Variants in NBPF14 observed in about 807,000 individuals in gnomAD.
NBPF14 encodes NBPF family member NBPF14.
In NBPF14, 104 loss-of-function variants were observed where a neutral mutation model predicts 91.2. That is an observed-to-expected ratio of 1.14 (90% CI 0.97 to 1.34). The LOEUF is 1.34. Among genes scored for constraint, NBPF14 ranks in the 40% most tolerant of loss-of-function variants. NBPF14 has a pLI of 0.00. For missense variants in NBPF14, 908 were observed against 783.0 expected (o/e 1.16, Z -1.91); for synonymous variants, 294 against 303.8 (o/e 0.97, Z 0.34).
chr1:148,532,366 T>A (rs1430910573), exon 71 of NBPF14: 1 of 165,314 alleles, frequency 6.0e-6, no homozygotes, highest in East Asian at 1.7e-4. Flanking sequence ...CAGGATGGAA[T>A]AGAGAGGAGC....
chr1:148,559,355 T>C (rs1358526517), intron 37 of NBPF14, among the ~76,000 whole-genome samples: 4 of 129,964 alleles, frequency 3.1e-5, no homozygotes, highest in Non-Finnish European at 4.5e-5. Context: ...TCCAATCGAT[T>C]TAAAGCAATT....
rs1403909987 is a variant in NBPF14 at position 148,534,703 on chromosome 1, G to C, written c.8595C>G (p.Gly2865=). ...ACTCACTGTCCACGTCAAGAGCCAA[G>C]CCAAGGTACTGTTCCTCCAATGAGT... The change falls in exon 69 of 71, where the codon GGC becomes GGG. Residue 2865 remains glycine (G), a synonymous_variant. Transcript: ENST00000619423. The C allele has an allele frequency of 8.4e-6, 7 of 835,894 alleles. No individual in the cohort carries two copies. The East Asian group carries it at 1.2e-4, about 14-fold the overall frequency. 51.8% of individuals were successfully genotyped at this position (835,894 alleles called of 1,614,324 possible). A position where few individuals can be genotyped will look rare whatever the true frequency, so the allele number is the denominator to read the frequency against.
At chr1:148,536,586 C>CAGACAGAGACAG (rs1461659646) in intron 66 of NBPF14, among the ~76,000 whole-genome samples, 190 bp from the exon 67 acceptor site, 1 of 67,674 alleles carries the variant, frequency 1.5e-5, no homozygotes, top group African/African-American at 8.0e-5. Context: ...AAGAGAAAGA[C>CAGACAGAGACAG]AGACAGAGAC....
chr1:148,566,541 A>G (rs1658403321), intron 28 of NBPF14, among the ~76,000 whole-genome samples: 4 of 117,604 alleles, frequency 3.4e-5, no homozygotes, highest in Admixed American at 3.2e-4. Flanking sequence ...ACACACACAC[A>G]AACACACACA....
chr1:148,532,224 T>A (rs1396902898), exon 71 of NBPF14: 1 of 151,024 alleles, frequency 6.6e-6, no homozygotes, highest in East Asian at 2.0e-4. Context: ...TCTGCAGTTG[T>A]CTGGTGATTA....
chr1:148,536,606 G>GACAGAT (rs1655249379), intron 66 of NBPF14, among the ~76,000 whole-genome samples: 1 of 55,384 alleles, frequency 1.8e-5, no homozygotes, highest in African/African-American at 8.9e-5. Context: ...CAGAGACAGA[G>GACAGAT]ACAGAGACAG....
At chr1:148,538,292 T>A (rs1438731191) in intron 64 of NBPF14, among the ~76,000 whole-genome samples, 101 of 33,788 alleles carry the variant, frequency 3.0e-3, no homozygotes, top group African/African-American at 0.016. Flanking sequence ...GGTGACACAC[T>A]GATGAGGGAG....
chr1:148,534,298 T>C (rs1454551094), intron 69 of NBPF14, among the ~76,000 whole-genome samples: 7 of 151,828 alleles, frequency 4.6e-5, no homozygotes, highest in Non-Finnish European at 7.3e-5. Context: ...CTGCAATATT[T>C]AGCCCTGTCT....
chr1:148,577,773 C>T (rs1298621127), intron 14 of NBPF14, among the ~76,000 whole-genome samples: 3 of 139,436 alleles, frequency 2.2e-5, no homozygotes, highest in Non-Finnish European at 3.0e-5. Flanking sequence ...GAGGTATGGT[C>T]AACTTTCACT....
chr1:148,578,774 G>A (rs1318802068), intron 13 of NBPF14, among the ~76,000 whole-genome samples: 2 of 147,672 alleles, frequency 1.4e-5, no homozygotes, highest in African/African-American at 5.0e-5. Flanking sequence ...GACAACTCCT[G>A]GGCATGTGCT....
At chr1:148,559,565 T>A (rs1657280917) in intron 37 of NBPF14, among the ~76,000 whole-genome samples, 1 of 121,990 alleles carries the variant, frequency 8.2e-6, no homozygotes, top group African/African-American at 4.4e-5. Flanking sequence ...AGAGTAGGAT[T>A]AGGGCGCCAC....
intron 9 of NBPF14, 55 bp from the exon 10 acceptor site, chr1:148,585,268 C>T: frequency 6.6e-7 from 1 of 1,516,176 alleles, no homozygotes; most frequent in Non-Finnish European, 9.1e-7. Flanking sequence ...TCTGCAAGCA[C>T]AGTCAGCCCA....
intron 12 of NBPF14, 22 bp from the exon 13 acceptor site, chr1:148,579,259 G>T: frequency 6.3e-6 from 2 of 317,426 alleles, no homozygotes; most frequent in Non-Finnish European, 1.1e-5. Context: ...GGCAGGACAG[G>T]GATGATAGAA....
intron 70 of NBPF14, 96 bp downstream of exon 70, chr1:148,533,765 G>A (rs1359254500): frequency 2.6e-6 from 2 of 762,052 alleles, no homozygotes; most frequent in East Asian, 2.4e-5. Flanking sequence ...TTCAGCCTTT[G>A]TTGAAAATAT....
At chr1:148,576,289 G>A (rs1360867242) in intron 16 of NBPF14, 121 bp downstream of exon 16, 3 of 525,500 alleles carry the variant, frequency 5.7e-6, no homozygotes, top group African/African-American at 5.6e-5. Flanking sequence ...CAACAGCAAT[G>A]TCAGTAGGAG....
rs1455929525 is a variant in NBPF14 at position 148,587,160 on chromosome 1, A to T, written c.1091+141T>A. 23 of 696,786 alleles carry T rather than the reference A, an allele frequency of 3.3e-5. 3 individuals carry two copies. The highest frequency in any genetic ancestry group is 5.6e-5 in the Non-Finnish European group (22 of 391,924). The allele number at this position is 696,786 out of a possible 1,614,324, so 43.2% of individuals were successfully genotyped here. A position where few individuals can be genotyped will look rare whatever the true frequency, so the allele number is the denominator to read the frequency against. The stretch of plus-strand genomic sequence containing the variant: ...TTTTACTATCCTTCTTCTCTGATAA[A>T]TATTTGTGTGTAGCGAGCCTGCCAT... On this transcript the variant is annotated intron_variant, in intron 8 of 70. Coordinates refer to ENST00000619423, the Ensembl canonical transcript of NBPF14.
chr1:148,585,652 T>C (rs1362349125), intron 9 of NBPF14, among the ~76,000 whole-genome samples: 6 of 149,096 alleles, frequency 4.0e-5, no homozygotes, highest in Non-Finnish European at 7.5e-5. Flanking sequence ...AAGTGGCTTC[T>C]GCTGTATTCT....
At chr1:148,594,688 AT>A (rs1219376819) in intron 2 of NBPF14, among the ~76,000 whole-genome samples, 27 of 69,390 alleles carry the variant, frequency 3.9e-4, no homozygotes, top group Non-Finnish European at 5.8e-4. Flanking sequence ...TTTATTTTTG[AT>A]TTATTTATCG....
chr1:148,567,091 T>A, intron 27 of NBPF14, 88 bp from the exon 28 acceptor site: 1 of 163,480 alleles, frequency 6.1e-6, no homozygotes, highest in Non-Finnish European at 1.1e-5. Context: ...CACAGGGATC[T>A]CAGGCTCCTC....
Sources: gnomAD v4.1 joint callset for allele counts (sites outside exome capture counted in the v4.1 genomes callset) on GRCh38, gnomAD v4.1.1 for gene constraint, MANE v1.5 for transcripts, NCBI Gene and HGNC (gene_info 2026-07-23, HGNC 2026-07-21) for gene names.